The following WDFY4 variants were observed in gnomAD, a reference collection of about 807,000 sequenced individuals.
WDFY4 encodes WDFY family member 4, also known as WD repeat- and FYVE domain-containing protein 4.
Under a neutral mutation model 351.9 loss-of-function variants are expected in WDFY4, and 169 were observed. The observed-to-expected ratio is 0.48, with a 90% confidence interval of 0.42 to 0.55. The LOEUF is 0.55. WDFY4 is among the 20% of genes least tolerant of loss of function. The pLI is 0.00. For synonymous variants in WDFY4, 1,622 were observed against 1,574.6 expected (o/e 1.03, Z -0.71); for missense variants, 3,803 against 3,935.6 (o/e 0.97, Z 0.90).
At chr10:48,918,091 T>C (rs1449802179) in intron 47 of WDFY4, among the ~76,000 whole-genome samples, 1 of 152,070 alleles carries the variant, frequency 6.6e-6, no homozygotes, top group Non-Finnish European at 1.5e-5. Flanking sequence ...TAAAAAGATA[T>C]AGTAAATAGT....
chr10:48,917,030 A>T (rs1838612305), intron 47 of WDFY4, among the ~76,000 whole-genome samples: 1 of 152,156 alleles, frequency 6.6e-6, no homozygotes, highest in African/African-American at 2.4e-5. Flanking sequence ...ATACACAAAT[A>T]CTTACCCTTG....
intron 2 of WDFY4, 39 bp downstream of exon 2, chr10:48,710,005 G>T: frequency 6.7e-7 from 1 of 1,497,282 alleles, no homozygotes; most frequent in South Asian, 1.3e-5. Flanking sequence ...GGTGATAGGC[G>T]CTCTGGGACA....
At chr10:48,926,154 C>T (rs901465797) in intron 47 of WDFY4, among the ~76,000 whole-genome samples, 1 of 152,246 alleles carries the variant, frequency 6.6e-6, no homozygotes, top group Non-Finnish European at 1.5e-5. Flanking sequence ...CCCCCACTGC[C>T]TCCCGGGAGA....
At chr10:48,805,583 G>A (rs1041823127) in intron 26 of WDFY4, among the ~76,000 whole-genome samples, 162 bp downstream of exon 26, 1 of 152,202 alleles carries the variant, frequency 6.6e-6, no homozygotes, top group African/African-American at 2.4e-5. Flanking sequence ...ATGGTTTGCT[G>A]AAGTCAGGAT....
chr10:48,942,342 G>T lies in WDFY4; in HGVS notation c.7629+494G>T, dbSNP rs1840816040. 2.0e-5 allele frequency among the ~76,000 whole-genome samples: 3 copies of T among 151,690 alleles called. No individual in the cohort carries two copies. The South Asian group carries it at 6.3e-4, about 32-fold the overall frequency. On this transcript the variant is annotated intron_variant, in intron 48 of 61. Coordinates refer to ENST00000325239, the MANE Select transcript of WDFY4 (RefSeq NM_001394531.1). ...ATGTCGGTGATGGAGTACAAATCTT[G>T]CACATTGGAGTCAGAGCTGGGGAAT...
chr10:48,728,287 A>T (rs922075382), intron 7 of WDFY4, among the ~76,000 whole-genome samples: 1 of 152,190 alleles, frequency 6.6e-6, no homozygotes, highest in Non-Finnish European at 1.5e-5. Context: ...CCAAGCTCAG[A>T]CACCGTTCAG....
At chr10:48,721,466 G>A (rs762642675) in intron 4 of WDFY4, 99 bp downstream of exon 4, 23 of 1,088,772 alleles carry the variant, frequency 2.1e-5, no homozygotes, top group African/African-American at 7.8e-5. Flanking sequence ...AGGGTCATTC[G>A]TTTCATAAAA....
At chr10:48,709,007 A>AC (rs71026222) in intron 1 of WDFY4, among the ~76,000 whole-genome samples, 79 of 144,760 alleles carry the variant, frequency 5.5e-4, no homozygotes, top group African/African-American at 1.9e-3. Context: ...AACAAACAAC[A>AC]CCCCCCCCCC....
rs1057275821 is a variant in WDFY4, at chr10:48,938,712, G to A, written c.7587-3094G>A. The stretch of plus-strand genomic sequence containing the variant: ...AGTAGCGCTCAAGCTTCTGAAGCTC[G>A]TCTGGGGGGGTAAAGGACAGAGATT... On this transcript the variant is annotated intron_variant, in intron 47 of 61. Transcript: ENST00000325239. Among the ~76,000 whole-genome samples the A allele has an allele frequency of 5.3e-5, 8 of 152,328 alleles. No homozygotes were observed. The South Asian group carries it at 8.3e-4, about 16-fold the overall frequency.
chr10:48,942,603 A>T (rs953239420), intron 48 of WDFY4, among the ~76,000 whole-genome samples: 5 of 152,194 alleles, frequency 3.3e-5, no homozygotes, highest in African/African-American at 1.2e-4. Context: ...ACCCTAAAAG[A>T]GGCAGTTGTA....
intron 39 of WDFY4, among the ~76,000 whole-genome samples, chr10:48,842,181 A>G (rs1301000161): frequency 6.6e-6 from 1 of 151,966 alleles, no homozygotes; most frequent in Non-Finnish European, 1.5e-5. Context: ...GGTTTAAGAG[A>G]GACTGTCCTT....
Position 48,760,508 on chromosome 10 carries a change from CAA to C in WDFY4, c.2553+69_2553+70del, listed in dbSNP as rs1283256500. 2.0e-6 allele frequency: 3 copies of C among 1,479,208 alleles called. No individual in the cohort carries two copies. The African/African-American group carries it at 4.2e-5, about 21-fold the overall frequency. 91.6% of individuals were successfully genotyped at this position (1,479,208 alleles called of 1,614,324 possible). A position where few individuals can be genotyped will look rare whatever the true frequency, so the allele number is the denominator to read the frequency against. On this transcript the variant is annotated intron_variant, in intron 13 of 61. Transcript: ENST00000325239. Reference sequence around the variant, plus strand: ...CTGATCTCTCAAATGCCTTCTGACCCAAGACAGCTTTTTTCCTTTTGTCCGTG... The same window carrying C: ...CTGATCTCTCAAATGCCTTCTGACCCGACAGCTTTTTTCCTTTTGTCCGTG...
chr10:48,773,667 G>A (rs574308277), intron 13 of WDFY4, among the ~76,000 whole-genome samples: 48 of 152,234 alleles, frequency 3.2e-4, no homozygotes, highest in Non-Finnish European at 6.3e-4. Flanking sequence ...GCTTAGGACT[G>A]AGGGACAGGC....
At chr10:48,712,963 T>C (rs957826623) in intron 2 of WDFY4, among the ~76,000 whole-genome samples, 4 of 152,218 alleles carry the variant, frequency 2.6e-5, no homozygotes, top group African/African-American at 9.6e-5. Flanking sequence ...TGAACTCCCA[T>C]GTGTGATGGA....
intron 13 of WDFY4, among the ~76,000 whole-genome samples, chr10:48,762,037 A>G (rs576262793): frequency 1.4e-4 from 21 of 152,340 alleles, no homozygotes; most frequent in Non-Finnish European, 2.6e-4. Flanking sequence ...TGGCTTCCAG[A>G]GGATGAATAG....
At chr10:48,842,661 A>G (rs1393770253) in intron 39 of WDFY4, among the ~76,000 whole-genome samples, 1 of 152,218 alleles carries the variant, frequency 6.6e-6, no homozygotes, top group Non-Finnish European at 1.5e-5. Flanking sequence ...CTAGTTGATA[A>G]AAATTTCCTG....
intron 39 of WDFY4, among the ~76,000 whole-genome samples, chr10:48,853,111 T>A (rs930348348): frequency 6.6e-6 from 1 of 152,126 alleles, no homozygotes; most frequent in Non-Finnish European, 1.5e-5. Flanking sequence ...TTCCCCAAGC[T>A]GCTCTAACCC....
chr10:48,966,498 CAT>C, intron 54 of WDFY4, 26 bp from the exon 55 acceptor site: 2 of 1,547,046 alleles, frequency 1.3e-6, no homozygotes, highest in Non-Finnish European at 1.7e-6. Context: ...TCTCTCCCCT[CAT>C]GTGTGTCTGT....
rs1565199125 is a variant in WDFY4, at chr10:48,787,945, CTT to C, written c.3809-584_3809-583del. On this transcript the variant is annotated intron_variant, in intron 20 of 61. Coordinates refer to ENST00000325239, the MANE Select transcript of WDFY4 (RefSeq NM_001394531.1). ...TCTTCTTCTTCTTCTTCTTCTTCTT[CTT>C]CTTCTTCTTCTTCTTCTTCTTCTTC... Among the ~76,000 whole-genome samples the C allele has an allele frequency of 5.9e-3, 615 of 104,080 alleles. 26 individuals are homozygous for C. Among genetic ancestry groups the C allele is most frequent in the Admixed American group, 0.03 (262 of 8,876 alleles). 68.3% of individuals were successfully genotyped at this position (104,080 alleles called of 152,430 possible).
Sources: gnomAD v4.1 joint callset for allele counts (sites outside exome capture counted in the v4.1 genomes callset) on GRCh38, gnomAD v4.1.1 for gene constraint, MANE v1.5 for transcripts, NCBI Gene and HGNC (gene_info 2026-07-23, HGNC 2026-07-21) for gene names.